OLFML2B: variants seen among roughly 807,000 people sequenced by gnomAD.
OLFML2B encodes the protein olfactomedin like 2B.
In OLFML2B, 57 loss-of-function variants were observed where a neutral mutation model predicts 74.9. The observed-to-expected ratio is 0.76, with a 90% CI of 0.61 to 0.95. The LOEUF (loss-of-function observed/expected upper bound fraction) is 0.95. Ranked by LOEUF, OLFML2B falls within the 40% of genes least tolerant of loss-of-function variation. The pLI is 0.00. For missense variants in OLFML2B, 986 were observed against 970.6 expected (o/e 1.02, Z -0.21); for synonymous variants, 388 against 405.8 (o/e 0.96, Z 0.53).
At chr1:162,002,095 C>T (rs1690095605) in intron 4 of OLFML2B, among the ~76,000 whole-genome samples, 1 of 152,212 alleles carries the variant, frequency 6.6e-6, no homozygotes, top group Admixed American at 6.5e-5. Context: ...GGATTATAAT[C>T]ACCCACCTTT....
Position 162,023,857 on chromosome 1 carries a change from C to T in OLFML2B, c.-427G>A. The T allele has an allele frequency of 6.4e-6, 1 of 156,024 alleles. No individual in the cohort carries two copies. The highest frequency in any genetic ancestry group is 1.4e-5 in the Non-Finnish European group (1 of 71,586). 9.7% of individuals were successfully genotyped at this position (156,024 alleles called of 1,614,324 possible). A position where few individuals can be genotyped will look rare whatever the true frequency, so the allele number is the denominator to read the frequency against. On this transcript the variant is annotated 5_prime_UTR_variant, in exon 1 of 8. Coordinates refer to ENST00000294794, the MANE Select transcript of OLFML2B (RefSeq NM_015441.3). ...GAAGAGGCGGTGGCGGCGCGGGCTG[C>T]TGGGCGAGGGCTGCTGGGCTAGGGA...
chr1:162,020,400 G>A (rs993546240), intron 1 of OLFML2B, among the ~76,000 whole-genome samples: 1 of 152,226 alleles, frequency 6.6e-6, no homozygotes, highest in Admixed American at 6.5e-5. Flanking sequence ...GTCTTGGAAA[G>A]CTGTGCCTTT....
At position 161,983,877 on chromosome 1, in the gene OLFML2B, T is replaced by C; in HGVS notation, c.2051A>G (p.Tyr684Cys). The change falls in exon 8 of 8, where the codon TAT becomes TGT. Residue 684 changes from tyrosine to cysteine, a missense_variant. By Grantham distance (194) the Tyr-to-Cys change is radical. Coordinates refer to ENST00000294794, the MANE Select transcript of OLFML2B (RefSeq NM_015441.3). ...GNCFVICGVL[Y>C]AVDSYNQRNA... ...CCGCTGGTTGTAGCTATCCACGGCA[T>C]ACAGCACCCCACAGATGACGAAGCA... The C allele has an allele frequency of 1.2e-6, 2 of 1,614,196 alleles. No individual in the cohort carries two copies. The highest frequency in any genetic ancestry group is 1.7e-6 in the Non-Finnish European group (2 of 1,180,034).
rs181985965 is a variant in OLFML2B, at chr1:162,023,440, G to A, written c.-10C>T. ...GCCGAGGCTTGGCCATGAGGGGCGC[G>A]ATAAGAGTGTCCTCAGCCCCTTCAG... On this transcript the variant is annotated 5_prime_UTR_variant, in exon 1 of 8. Transcript: ENST00000294794. 119 of 1,541,292 alleles carry A rather than the reference G, an allele frequency of 7.7e-5. 1 individual carries two copies. In the African/African-American group the frequency reaches 1.6e-3, roughly 21 times the overall value.
At chr1:162,000,030 C>T in intron 5 of OLFML2B, 83 bp downstream of exon 5, 2 of 1,070,306 alleles carry the variant, frequency 1.9e-6, no homozygotes, top group South Asian at 1.5e-5. Flanking sequence ...GTGTATGGCT[C>T]CCAGGAATCC....
chr1:161,990,454 A>T (rs1045641266), intron 6 of OLFML2B, among the ~76,000 whole-genome samples: 2 of 152,262 alleles, frequency 1.3e-5, no homozygotes, highest in Non-Finnish European at 2.9e-5. Context: ...CCCAGTGAGT[A>T]TAAAAGTTAT....
In OLFML2B at chr1:161,984,929, G is replaced by A; in HGVS notation, c.1526C>T (p.Thr509Ile). The change falls in exon 7 of 8, where the codon ACA becomes ATA. Residue 509 changes from threonine (T) to isoleucine (I), a missense_variant. By Grantham distance (89) the Thr-to-Ile change is moderately conservative (BLOSUM62 -1). Coordinates refer to ENST00000294794, the MANE Select transcript of OLFML2B (RefSeq NM_015441.3). ...STITGPTTQNTYGRNEGAWMK... is the reference protein window; with the variant it reads ...STITGPTTQNIYGRNEGAWMK... ...CCAGGCCCCTTCATTCCGCCCATAT[G>A]TGTTCTGGGTGGTCGGCCCCGTGAT... is the stretch of plus-strand genomic sequence containing the variant. 1.2e-6 allele frequency: 2 copies of A among 1,612,156 alleles called. No homozygotes were observed. The highest frequency in any genetic ancestry group is 1.7e-6 in the Non-Finnish European group (2 of 1,179,606).
In OLFML2B at chr1:162,006,365, G is replaced by A. The variant is rs752685006; in HGVS notation, c.655C>T (p.Leu219=). The A allele has an allele frequency of 3.7e-6, 6 of 1,613,068 alleles. No homozygotes were observed. The highest frequency in any genetic ancestry group is 2.7e-5 in the African/African-American group (2 of 74,688). ...GAGCGGATGTCTGGCATGCTATCTA[G>A]GATGTTTTCAGAGCAATTTTCTTTG... ...RGKENCSENI[L]DSMPDIRSAL... The change falls in exon 4 of 8, where the codon CTA becomes TTA. Residue 219 remains leucine (L), a synonymous_variant. Coordinates refer to ENST00000294794, the MANE Select transcript of OLFML2B (RefSeq NM_015441.3).
intron 3 of OLFML2B, among the ~76,000 whole-genome samples, chr1:162,011,720 T>A (rs1428640517): frequency 6.6e-6 from 1 of 152,170 alleles, no homozygotes; most frequent in African/African-American, 2.4e-5. Flanking sequence ...CAGCTTGCCC[T>A]TAAGAAGTCC....
chr1:162,000,422 G>C (rs946074415), intron 4 of OLFML2B, 84 bp from the exon 5 acceptor site: 2 of 1,119,650 alleles, frequency 1.8e-6, no homozygotes, highest in Non-Finnish European at 2.6e-6. Context: ...TGGAGCCAAG[G>C]CTGTGCTAAT....
In OLFML2B at chr1:161,984,842, G is replaced by A. The variant is rs1176193939; in HGVS notation, c.1613C>T (p.Thr538Ile). ...CTCCAGGTTCCGGAACTCTACCAGG[G>A]TGTTGCCGTAGTAATAGTTGGTTAC... ...IYVTNYYYGN[T>I]LVEFRNLENF... The change falls in exon 7 of 8, where the codon ACC becomes ATC. Residue 538 changes from threonine (T) to isoleucine (I), a missense_variant. Physicochemically the swap from Thr to Ile is moderately conservative, Grantham distance 89 (BLOSUM62 -1). Transcript: ENST00000294794. 2.1e-5 allele frequency: 34 copies of A among 1,613,344 alleles called. No individual in the cohort carries two copies. The highest frequency in any genetic ancestry group is 2.8e-5 in the Non-Finnish European group (33 of 1,179,958).
At chr1:161,987,796 T>C (rs1439265493) in intron 6 of OLFML2B, among the ~76,000 whole-genome samples, 1 of 152,180 alleles carries the variant, frequency 6.6e-6, no homozygotes, top group African/African-American at 2.4e-5. Context: ...ATTTTCATAG[T>C]CCTAGTACTA....
At chr1:162,013,725 G>A (rs1355316737) in intron 3 of OLFML2B, among the ~76,000 whole-genome samples, 5 of 152,092 alleles carry the variant, frequency 3.3e-5, no homozygotes, top group Admixed American at 6.5e-5. Context: ...TCTGATTTAC[G>A]CATTCAGAAA....
At position 161,984,167 on chromosome 1, in the gene OLFML2B, C is replaced by A; in HGVS notation, c.1761G>T (p.Lys587Asn). The A allele has an allele frequency of 6.2e-7, 1 of 1,607,786 alleles. No homozygotes were observed. Among genetic ancestry groups the A allele is most frequent in the Non-Finnish European group, 8.5e-7 (1 of 1,176,720 alleles). Residue 587 changes from lysine (K) to asparagine (N), a missense_variant, in exon 8 of 8, where the codon AAG (lysine) becomes AAT (asparagine). Lys to Asn is a moderately conservative substitution (Grantham distance 94). Transcript: ENST00000294794. The stretch of plus-strand genomic sequence containing the variant: ...CCACGTAGCGCTGCTTCAGGTCGTA[C>A]TTGATGATGTTGCGGGTGAAGGCGC... Reference protein sequence around the residue: ...YNRAFTRNIIKYDLKQRYVAA... With the variant: ...YNRAFTRNIINYDLKQRYVAA...
intron 6 of OLFML2B, among the ~76,000 whole-genome samples, chr1:161,989,776 T>C (rs1409524746): frequency 6.6e-6 from 1 of 152,224 alleles, no homozygotes; most frequent in Admixed American, 6.5e-5. Flanking sequence ...CACTTGCATA[T>C]AGGGTTTGCT....
chr1:161,995,601 G>T (rs1689873032), intron 6 of OLFML2B, among the ~76,000 whole-genome samples: 1 of 152,310 alleles, frequency 6.6e-6, no homozygotes, highest in South Asian at 2.1e-4. Context: ...GAGAGGCTGG[G>T]TTCTGGGACC....
rs573628145 is a variant in OLFML2B, at chr1:162,016,808, C to T, written c.546+592G>A. ...CCACTAGATGAAAACCACAGCACCA[C>T]CTGTACCACTCCCAGAGCCCAGTCA... On this transcript the variant is annotated intron_variant, in intron 3 of 7. Coordinates refer to ENST00000294794, the MANE Select transcript of OLFML2B (RefSeq NM_015441.3). Among the ~76,000 whole-genome samples the T allele has an allele frequency of 3.9e-5, 6 of 152,354 alleles. No individual in the cohort carries two copies. In the East Asian group the frequency reaches 9.6e-4, roughly 24 times the overall value.
intron 1 of OLFML2B, among the ~76,000 whole-genome samples, chr1:162,020,721 G>T (rs1033529262): frequency 6.6e-6 from 1 of 151,992 alleles, no homozygotes; most frequent in African/African-American, 2.4e-5. Flanking sequence ...CACCATGTTT[G>T]CCAGGCTGGT....
rs765596791 is a variant in OLFML2B, at chr1:161,983,748, T to C, written c.2180A>G (p.Asn727Ser). The change falls in exon 8 of 8, where the codon AAC becomes AGC. Residue 727 changes from asparagine (N) to serine (S), a missense_variant. Asn to Ser is a conservative substitution (Grantham distance 46). Transcript: ENST00000294794. ...EYSYTTQIDY[N>S]PKDRLLYAWD... ...GGCATAGAGCAGGCGGTCCTTGGGG[T>C]TGTAGTCTATCTGGGTCGTATAGGA... 2 of 1,613,654 alleles carry C rather than the reference T, an allele frequency of 1.2e-6. No individual in the cohort carries two copies. The highest frequency in any genetic ancestry group is 1.7e-6 in the Non-Finnish European group (2 of 1,179,924).
Sources: gnomAD v4.1 joint callset for allele counts (sites outside exome capture counted in the v4.1 genomes callset) on GRCh38, gnomAD v4.1.1 for gene constraint, MANE v1.5 for transcripts, NCBI Gene and HGNC (gene_info 2026-07-23, HGNC 2026-07-21) for gene names.